Variants in NLRP7 observed in about 807,000 individuals in gnomAD.
NLRP7 encodes NACHT, LRR and PYD domains-containing protein 7.
A neutral mutation model predicts 85.5 loss-of-function variants in NLRP7; 72 were observed. The observed-to-expected ratio is 0.84, with a 90% confidence interval of 0.70 to 1.02. NLRP7 has a LOEUF of 1.02. Among genes scored for constraint, NLRP7 ranks in the 50% least tolerant of loss-of-function variants. The probability of loss-of-function intolerance (pLI) is 0.00; values close to 1 mark genes in which losing one functional copy is unlikely to be tolerated. For missense variants in NLRP7, 1,243 were observed against 1,219.5 expected (o/e 1.02, Z -0.29); for synonymous variants, 550 against 505.2 (o/e 1.09, Z -1.19).
chr19:54,937,377 G>A (rs1457185982), intron 5 of NLRP7, among the ~76,000 whole-genome samples: 1 of 151,356 alleles, frequency 6.6e-6, no homozygotes, highest in African/African-American at 2.4e-5. Context: ...GGTTTGTTTT[G>A]GTAACAAAAC....
At chr19:54,960,148 T>C (rs960757444) in intron 1 of NLRP7, among the ~76,000 whole-genome samples, 1 of 151,878 alleles carries the variant, frequency 6.6e-6, no homozygotes, top group Non-Finnish European at 1.5e-5. Context: ...TTTTTTTGTT[T>C]GTTTGTTTCT....
chr19:54,945,225 T>G (rs1602200129), intron 1 of NLRP7, among the ~76,000 whole-genome samples: 2 of 130,240 alleles, frequency 1.5e-5, no homozygotes. Flanking sequence ...CCTGGGCGAG[T>G]GAGACTCCCT....
Position 54,963,457 on chromosome 19 carries a change from A to C in NLRP7, c.-77+2583T>G, listed in dbSNP as rs917108351. Among the ~76,000 whole-genome samples, 5 of 152,130 alleles carry C rather than the reference A, an allele frequency of 3.3e-5. 1 individual carries two copies. The highest frequency in any genetic ancestry group is 3.3e-4 in the Admixed American group (5 of 15,248). Reference sequence around the variant, plus strand: ...GCAACCCAAGCACTTTGGGAGGCCGAGGCGGGCGGATCACGAGGTCAAGAG... The same window carrying C: ...GCAACCCAAGCACTTTGGGAGGCCGCGGCGGGCGGATCACGAGGTCAAGAG... On this transcript the variant is annotated intron_variant, in intron 1 of 2. Coordinates refer to the NLRP7 transcript ENST00000587103.
At position 54,923,880 on chromosome 19, in the gene NLRP7, G is replaced by C. The variant is rs779533776; in HGVS notation, c.2811-8C>G. 1 of 1,612,196 alleles carries C rather than the reference G, an allele frequency of 6.2e-7. No individual in the cohort carries two copies. The highest frequency in any genetic ancestry group is 1.1e-5 in the South Asian group (1 of 91,030). On this transcript the variant is annotated splice_polypyrimidine_tract_variant and splice_region_variant and intron_variant, in intron 9 of 9. Transcript: ENST00000340844. Reference sequence around the variant, plus strand: ...GTTTCATAGGTCTTCAACCTGGAGGGATCAGAGAACACAAATGTTCCCAGA... The same window carrying C: ...GTTTCATAGGTCTTCAACCTGGAGGCATCAGAGAACACAAATGTTCCCAGA...
chr19:54,962,192 G>T (rs988322955), intron 1 of NLRP7, among the ~76,000 whole-genome samples: 4 of 146,428 alleles, frequency 2.7e-5, no homozygotes, highest in Admixed American at 2.1e-4. Context: ...AAATGAAAAA[G>T]AATTTATTGA....
intron 6 of NLRP7, among the ~76,000 whole-genome samples, chr19:54,935,494 G>A (rs578043379): frequency 5.5e-4 from 84 of 152,142 alleles, no homozygotes; most frequent in Middle Eastern, 3.4e-3. Flanking sequence ...TCAGGAGTTC[G>A]AGACCAGCCT....
At chr19:54,933,528 G>C in intron 8 of NLRP7, 41 bp downstream of exon 8, 2 of 1,605,924 alleles carry the variant, frequency 1.2e-6, no homozygotes, top group Non-Finnish European at 1.7e-6. Context: ...TCTCCTGCTT[G>C]AATTCATGTG....
At chr19:54,943,816 G>A (rs1002014946) in intron 1 of NLRP7, among the ~76,000 whole-genome samples, 6 of 151,940 alleles carry the variant, frequency 3.9e-5, no homozygotes, top group African/African-American at 1.2e-4. Flanking sequence ...ATTTTGTTCT[G>A]TACTAAGAAA....
At chr19:54,925,801 C>G (rs527319139) in intron 9 of NLRP7, among the ~76,000 whole-genome samples, 1 of 152,142 alleles carries the variant, frequency 6.6e-6, no homozygotes, top group Admixed American at 6.6e-5. Flanking sequence ...GAATTCGAGA[C>G]CAGCCTGGCC....
chr19:54,959,009 A>G (rs2069946504), intron 1 of NLRP7, among the ~76,000 whole-genome samples: 1 of 152,124 alleles, frequency 6.6e-6, no homozygotes, highest in Non-Finnish European at 1.5e-5. Flanking sequence ...TCGGGTTCTA[A>G]GTCATGAGTT....
exon 4 of NLRP7, chr19:54,939,633 G>A (rs368470657): frequency 1.1e-5 from 18 of 1,611,050 alleles, no homozygotes; most frequent in East Asian, 2.2e-5. Context: ...CAGAGGAAAC[G>A]CAGGAACAGC....
Position 54,944,703 on chromosome 19 carries a change from C to A in NLRP7, c.-40+2766G>T, listed in dbSNP as rs575478569. On this transcript the variant is annotated intron_variant, in intron 1 of 9. Coordinates refer to ENST00000340844, the Ensembl canonical transcript of NLRP7. The stretch of plus-strand genomic sequence containing the variant: ...ACATATATCCTATTTTAGGATGGAG[C>A]AGGAAGAGCATGAGAGCCCAGGAGT... Among the ~76,000 whole-genome samples, 7 of 152,054 alleles carry A rather than the reference C, an allele frequency of 4.6e-5. No homozygotes were observed. The East Asian group carries it at 7.7e-4, about 17-fold the overall frequency.
rs948784813 is a variant in NLRP7 at position 54,934,356 on chromosome 19, C to T, written c.2471+133G>A. On this transcript the variant is annotated intron_variant, in intron 7 of 9. Transcript: ENST00000340844. The surrounding 1 kb of genome is among the most constrained non-coding windows in gnomAD (Gnocchi z 6.7). ...TGCTGAGATTACAGGCAGGAGCCACCGTGCCGGGCCTGAAGCAGGTGTTTA... is the reference window on the plus strand; with the variant it reads ...TGCTGAGATTACAGGCAGGAGCCACTGTGCCGGGCCTGAAGCAGGTGTTTA... 162 of 902,436 alleles carry T rather than the reference C, an allele frequency of 1.8e-4. No homozygotes were observed. The highest frequency in any genetic ancestry group is 7.2e-4 in the Middle Eastern group (3 of 4,192). The allele number at this position is 902,436 out of a possible 1,614,324, so 55.9% of individuals were successfully genotyped here. A position where few individuals can be genotyped will look rare whatever the true frequency, so the allele number is the denominator to read the frequency against.
At chr19:54,924,926 G>A (rs531713377) in intron 9 of NLRP7, among the ~76,000 whole-genome samples, 1 of 152,280 alleles carries the variant, frequency 6.6e-6, no homozygotes, top group African/African-American at 2.4e-5. Context: ...GACAGAGCGA[G>A]ACTCTGCCTC....
chr19:54,930,187 C>T (rs1422388598), intron 9 of NLRP7, among the ~76,000 whole-genome samples: 1 of 151,466 alleles, frequency 6.6e-6, no homozygotes, highest in Non-Finnish European at 1.5e-5. Flanking sequence ...AAAAATGAGG[C>T]CAGGCATGAT....
intron 9 of NLRP7, among the ~76,000 whole-genome samples, chr19:54,926,915 TTAA>T (rs1395243846): frequency 0.034 from 4,492 of 130,782 alleles, 222 homozygotes; most frequent in East Asian, 0.14. Flanking sequence ...GACTCTGTCT[TTAA>T]AAAAAAAAAA....
At chr19:54,963,127 G>A (rs985856155) in intron 1 of NLRP7, among the ~76,000 whole-genome samples, 2 of 152,142 alleles carry the variant, frequency 1.3e-5, no homozygotes, top group Non-Finnish European at 2.9e-5. Context: ...CAAGCATGGT[G>A]GCTCACACCG....
chr19:54,939,868 G>C, exon 4 of NLRP7: 1 of 1,614,024 alleles, frequency 6.2e-7, no homozygotes, highest in South Asian at 1.1e-5. Flanking sequence ...CCCTTACGTA[G>C]ATCGGCTGCT....
intron 1 of NLRP7, among the ~76,000 whole-genome samples, chr19:54,958,918 G>A (rs1336184681): frequency 2.0e-5 from 3 of 152,100 alleles, no homozygotes; most frequent in African/African-American, 4.8e-5. Context: ...GGGGTTTCGT[G>A]CACTGCTGGT....
Sources: allele counts gnomAD v4.1 joint callset (sites outside exome capture counted in the v4.1 genomes callset), GRCh38; gene constraint gnomAD v4.1.1; non-coding constraint Gnocchi (gnomAD v3.1); transcripts MANE v1.5; gene names NCBI Gene and HGNC (gene_info 2026-07-23, HGNC 2026-07-21).